The following CHL1 variants were observed in gnomAD, a reference collection of about 807,000 sequenced individuals.
CHL1 encodes cell adhesion molecule L1 like.
In CHL1, 96 loss-of-function variants were observed where a neutral mutation model predicts 141.9. The ratio of observed to expected loss-of-function variants is 0.68; its 90% CI spans 0.57 to 0.80. The LOEUF (loss-of-function observed/expected upper bound fraction) is 0.80. Among genes scored for constraint, CHL1 ranks in the 30% least tolerant of loss-of-function variants. The pLI is 0.00. For missense variants in CHL1, 1,820 were observed against 1,457.2 expected (o/e 1.25, Z -4.05); for synonymous variants, 613 against 502.2 (o/e 1.22, Z -2.95).
chr3:260,020 T>C (rs569076428), intron 2 of CHL1, among the ~76,000 whole-genome samples: 1 of 152,270 alleles, frequency 6.6e-6, no homozygotes, highest in African/African-American at 2.4e-5. Flanking sequence ...ATCCCAGCAC[T>C]CTAGGAGGCC....
At chr3:391,302 AG>A (rs1255358449) in intron 22 of CHL1, 143 bp downstream of exon 22, 1 of 666,590 alleles carries the variant, frequency 1.5e-6, no homozygotes, top group South Asian at 2.0e-5. Flanking sequence ...GATCACTTGA[AG>A]TCAGGAGTTC....
At chr3:330,952 G>T (rs1701388959) in intron 5 of CHL1, among the ~76,000 whole-genome samples, 1 of 151,302 alleles carries the variant, frequency 6.6e-6, no homozygotes, top group Non-Finnish European at 1.5e-5. Flanking sequence ...TGTTAGCATG[G>T]ATCTCTCTCT....
intron 14 of CHL1, among the ~76,000 whole-genome samples, chr3:365,013 A>G (rs189039792): frequency 6.6e-6 from 1 of 152,350 alleles, no homozygotes; most frequent in Admixed American, 6.5e-5. Context: ...AATTAATTCA[A>G]TTTAATAGTC....
intron 2 of CHL1, among the ~76,000 whole-genome samples, chr3:305,418 A>G (rs1373015191): frequency 1.3e-5 from 2 of 152,082 alleles, no homozygotes; most frequent in Non-Finnish European, 1.5e-5. Context: ...TGTTGACATG[A>G]TTAAGAACGC....
In CHL1 at chr3:358,178, C is replaced by T. The variant is rs141778735; in HGVS notation, c.1166-2106C>T. On this transcript the variant is annotated intron_variant, in intron 11 of 27. Coordinates refer to ENST00000256509, the MANE Select transcript of CHL1 (RefSeq NM_006614.4). ...GTCTTGGCTAAAATCAAAATGTCAG[C>T]AGTGCCATGTCCTGGAAGTGCTTGG... is the stretch of plus-strand genomic sequence containing the variant. 1.1e-4 allele frequency among the ~76,000 whole-genome samples: 16 copies of T among 152,284 alleles called. 1 individual carries two copies. Among genetic ancestry groups the T allele is most frequent in the African/African-American group, 3.9e-4 (16 of 41,554 alleles).
At chr3:256,599 C>T (rs986369690) in intron 2 of CHL1, among the ~76,000 whole-genome samples, 2 of 152,192 alleles carry the variant, frequency 1.3e-5, no homozygotes, top group African/African-American at 4.8e-5. Flanking sequence ...ACATGTTCTG[C>T]AACACTCAGG....
chr3:204,786 C>G (rs1699262225), intron 1 of CHL1, among the ~76,000 whole-genome samples: 1 of 86,584 alleles, frequency 1.2e-5, no homozygotes, highest in African/African-American at 3.9e-5. Context: ...AAGATTGCCT[C>G]TGAAGATTTC....
chr3:328,275 C>G lies in CHL1; in HGVS notation c.306C>G (p.His102Gln). The G allele has an allele frequency of 6.2e-7, 1 of 1,612,654 alleles. No homozygotes were observed. Among genetic ancestry groups the G allele is most frequent in the South Asian group, 1.1e-5 (1 of 90,970 alleles). Reference protein sequence around the residue: ...FRIPNEGHISHFQGKYRCFAS... With the variant: ...FRIPNEGHISQFQGKYRCFAS... ...TCCCAAACGAGGGGCACATATCTCA[C>G]TTTCAAGGGAAATACCGCTGCTTTG... is the stretch of plus-strand genomic sequence containing the variant. The change falls in exon 5 of 28, where the codon CAC (histidine) becomes CAG (glutamine). Residue 102 changes from histidine to glutamine, a missense_variant. Transcript: ENST00000256509.
In CHL1 at chr3:344,616, AACTGCTGTTGCCTCCC is replaced by A. The variant is rs1432439527; in HGVS notation, c.760_775del (p.Leu254ArgfsTer53). 11 of 1,612,034 alleles carry A rather than the reference AACTGCTGTTGCCTCCC, an allele frequency of 6.8e-6. No homozygotes were observed. The highest frequency in any genetic ancestry group is 1.3e-5 in the African/African-American group (1 of 74,774). On this transcript the variant is annotated frameshift_variant, in exon 9 of 28. Transcript: ENST00000256509. LOFTEE classifies it high-confidence loss of function. Reference sequence around the variant, plus strand: ...AATTCCATCAAGCAAAGAAAACCCAAACTGCTGTTGCCTCCCACTGAGAGTGGCAGTGAGTCTTCAA... The same window carrying A: ...AATTCCATCAAGCAAAGAAAACCCAAACTGAGAGTGGCAGTGAGTCTTCAA...
rs1174532559 is a variant in CHL1, at chr3:312,997, C to G, written c.-94-6686C>G. ...TTGCATGCATGAAGTTAATTTCTAC[C>G]TCTGGAACTCATAGTAGCTGAAACA... On this transcript the variant is annotated intron_variant, in intron 2 of 27. Transcript: ENST00000256509. Among the ~76,000 whole-genome samples, 3 of 152,214 alleles carry G rather than the reference C, an allele frequency of 2.0e-5. No homozygotes were observed. The East Asian group carries it at 5.8e-4, about 29-fold the overall frequency.
intron 4 of CHL1, 86 bp downstream of exon 4, chr3:326,150 G>A: frequency 1.3e-6 from 1 of 760,214 alleles, no homozygotes; most frequent in Non-Finnish European, 2.1e-6. Context: ...AAGCCTGTTG[G>A]ACTATGAATC....
chr3:271,011 T>C (rs939470950), intron 2 of CHL1, among the ~76,000 whole-genome samples: 1 of 152,208 alleles, frequency 6.6e-6, no homozygotes, highest in African/African-American at 2.4e-5. Context: ...AAGACCAGCC[T>C]GAATTCAAGG....
intron 19 of CHL1, among the ~76,000 whole-genome samples, chr3:387,731 G>T (rs1376898073): frequency 6.6e-6 from 1 of 152,132 alleles, no homozygotes; most frequent in Admixed American, 6.6e-5. Flanking sequence ...AAAGCCCCTG[G>T]TGAATTTATA....
At chr3:307,717 C>A (rs748071992) in intron 2 of CHL1, among the ~76,000 whole-genome samples, 8 of 152,002 alleles carry the variant, frequency 5.3e-5, no homozygotes, top group Non-Finnish European at 8.8e-5. Context: ...TTAAGCCATA[C>A]TTACACACTT....
At chr3:376,300 G>A in intron 15 of CHL1, 1 of 476,802 alleles carries the variant, frequency 2.1e-6, no homozygotes, top group East Asian at 5.8e-5. Context: ...ACAACTATTT[G>A]TGATTTTGAC....
At chr3:394,615 A>T in intron 23 of CHL1, 78 bp from the exon 24 acceptor site, 1 of 1,020,768 alleles carries the variant, frequency 9.8e-7, no homozygotes. Context: ...CACAAGCATA[A>T]GGAGAAATGA....
At chr3:353,184 G>T (rs1703412376) in intron 10 of CHL1, among the ~76,000 whole-genome samples, 1 of 152,066 alleles carries the variant, frequency 6.6e-6, no homozygotes, top group African/African-American at 2.4e-5. Context: ...TATTCAAGAA[G>T]ATTTACAGAA....
chr3:229,717 C>T (rs114058420), intron 1 of CHL1, among the ~76,000 whole-genome samples: 10,589 of 152,064 alleles, frequency 0.07, 402 homozygotes, highest in Middle Eastern at 0.1. Flanking sequence ...TCAGTGGAAT[C>T]TTTATAGCTG....
chr3:349,294 G>C (rs530250972), intron 9 of CHL1, 65 bp from the exon 10 acceptor site: 2 of 1,379,462 alleles, frequency 1.4e-6, no homozygotes, highest in Non-Finnish European at 2.0e-6. Flanking sequence ...TGTGTCCTAA[G>C]GTTTTCTTTG....
Sources: gnomAD v4.1 joint callset for allele counts (sites outside exome capture counted in the v4.1 genomes callset) on GRCh38, gnomAD v4.1.1 for gene constraint, MANE v1.5 for transcripts, NCBI Gene and HGNC (gene_info 2026-07-23, HGNC 2026-07-21) for gene names.